GRM7: variants seen among roughly 807,000 people sequenced by gnomAD.
The protein encoded by GRM7 is metabotropic glutamate receptor 7.
GRM7 carries 35 observed loss-of-function variants against 84.5 expected under a neutral mutation model. The ratio of observed to expected loss-of-function variants is 0.41; its 90% CI spans 0.32 to 0.55. The LOEUF (loss-of-function observed/expected upper bound fraction) is 0.55. GRM7 is among the 20% of genes least tolerant of loss of function. The pLI is 0.19. For synonymous variants in GRM7, 487 were observed against 455.1 expected, an observed-to-expected ratio of 1.07 and a Z score of -0.89; for missense variants, 1,003 against 1,194.6, an observed-to-expected ratio of 0.84 and a Z score of 2.36.
chr3:7,412,779 A>C (rs991680612), intron 4 of GRM7, among the ~76,000 whole-genome samples: 4 of 151,782 alleles, frequency 2.6e-5, no homozygotes, highest in African/African-American at 9.7e-5. Flanking sequence ...TTCATAATAA[A>C]AATACCATCT....
intron 1 of GRM7, among the ~76,000 whole-genome samples, chr3:7,120,319 G>A (rs1693174888): frequency 6.6e-6 from 1 of 152,032 alleles, no homozygotes; most frequent in Non-Finnish European, 1.5e-5. Context: ...AGATGTAATT[G>A]TGAAACTCTA....
chr3:7,358,881 G>A (rs1278002344), intron 4 of GRM7, among the ~76,000 whole-genome samples: 1 of 150,994 alleles, frequency 6.6e-6, no homozygotes, highest in African/African-American at 2.4e-5. Context: ...ACTTTGGGAA[G>A]CTGAGGCAGG....
chr3:7,360,061 A>C (rs1693591433), intron 4 of GRM7, among the ~76,000 whole-genome samples: 1 of 147,260 alleles, frequency 6.8e-6, no homozygotes, highest in African/African-American at 2.6e-5. Context: ...GGGAAAACTC[A>C]TTTTTATCCT....
At chr3:7,224,140 A>C (rs1478853074) in intron 2 of GRM7, among the ~76,000 whole-genome samples, 1 of 152,188 alleles carries the variant, frequency 6.6e-6, no homozygotes, top group Non-Finnish European at 1.5e-5. Flanking sequence ...AAAAAGGTTT[A>C]TTTGACTCAC....
intron 1 of GRM7, among the ~76,000 whole-genome samples, chr3:6,990,193 A>G (rs919790716): frequency 2.0e-5 from 3 of 152,214 alleles, no homozygotes; most frequent in Non-Finnish European, 2.9e-5. Flanking sequence ...TGGAATTCCA[A>G]ATATGATAGC....
At chr3:7,054,360 T>C (rs915075351) in intron 1 of GRM7, among the ~76,000 whole-genome samples, 3 of 149,748 alleles carry the variant, frequency 2.0e-5, no homozygotes, top group Non-Finnish European at 4.5e-5. Flanking sequence ...ATGATATATG[T>C]ATGATATATA....
At chr3:7,076,082 T>C (rs1193033454) in intron 1 of GRM7, among the ~76,000 whole-genome samples, 1 of 152,134 alleles carries the variant, frequency 6.6e-6, no homozygotes, top group Non-Finnish European at 1.5e-5. Flanking sequence ...GTTCCTGCCA[T>C]GTGTGAGGCC....
rs1365409522 is a variant in GRM7 at position 7,592,951 on chromosome 3, C to G, written c.2451+13594C>G. ...TACTCAGCCTAGGAACAGTTTAAAC[C>G]TTAGAAGACCCGAGTGGACTGGTAA... is the stretch of plus-strand genomic sequence containing the variant. On this transcript the variant is annotated intron_variant, in intron 8 of 9. Transcript: ENST00000357716. Among the ~76,000 whole-genome samples the G allele has an allele frequency of 2.6e-5, 4 of 152,228 alleles. No individual in the cohort carries two copies. In the South Asian group the frequency reaches 6.2e-4, roughly 24 times the overall value.
intron 7 of GRM7, among the ~76,000 whole-genome samples, chr3:7,567,943 A>T (rs1303820979): frequency 6.6e-6 from 1 of 152,000 alleles, no homozygotes; most frequent in Non-Finnish European, 1.5e-5. Flanking sequence ...AGCATTTTTC[A>T]TCTAGCAGGG....
intron 7 of GRM7, among the ~76,000 whole-genome samples, chr3:7,466,622 C>G (rs184792445): frequency 1.3e-5 from 2 of 152,198 alleles, no homozygotes; most frequent in African/African-American, 4.8e-5. Context: ...AACCAAAATT[C>G]TCTAATATGC....
At chr3:7,203,788 A>G (rs1488232663) in intron 2 of GRM7, among the ~76,000 whole-genome samples, 1 of 152,206 alleles carries the variant, frequency 6.6e-6, no homozygotes, top group Non-Finnish European at 1.5e-5. Context: ...CTTATGCTAT[A>G]TAAAACATTT....
At chr3:7,212,196 CT>C (rs35580518) in intron 2 of GRM7, among the ~76,000 whole-genome samples, 32 of 145,212 alleles carry the variant, frequency 2.2e-4, no homozygotes, top group Middle Eastern at 3.5e-3. Flanking sequence ...TCCTTTGGGT[CT>C]TTTTTTTTTT....
chr3:7,050,719 G>C (rs147279943), intron 1 of GRM7, among the ~76,000 whole-genome samples: 1 of 152,040 alleles, frequency 6.6e-6, no homozygotes, highest in East Asian at 1.9e-4. Flanking sequence ...AATTTTATAG[G>C]AATGTTTCTG....
chr3:7,076,966 GA>G (rs1698106039), intron 1 of GRM7, among the ~76,000 whole-genome samples: 1 of 150,256 alleles, frequency 6.7e-6, no homozygotes, highest in Admixed American at 6.6e-5. Context: ...ACAAACATAT[GA>G]AAAAATGCTC....
At chr3:7,339,509 TC>T (rs1451527631) in intron 4 of GRM7, among the ~76,000 whole-genome samples, 3 of 152,132 alleles carry the variant, frequency 2.0e-5, no homozygotes, top group Non-Finnish European at 4.4e-5. Context: ...CGGACAGTGT[TC>T]CTTTGCACAG....
intron 5 of GRM7, among the ~76,000 whole-genome samples, chr3:7,430,771 G>A (rs1696795836): frequency 6.6e-6 from 1 of 152,164 alleles, no homozygotes. Flanking sequence ...AGATGTTTCT[G>A]TAGCAAATAG....
At chr3:7,627,328 A>G (rs1167315527) in intron 8 of GRM7, among the ~76,000 whole-genome samples, 4 of 152,158 alleles carry the variant, frequency 2.6e-5, no homozygotes, top group Admixed American at 2.6e-4. Flanking sequence ...TGGAGTACAA[A>G]TTAGCACTCT....
At chr3:7,671,791 T>C (rs755622133) in intron 8 of GRM7, among the ~76,000 whole-genome samples, 4 of 152,070 alleles carry the variant, frequency 2.6e-5, no homozygotes, top group Non-Finnish European at 4.4e-5. Context: ...GGCACCAGTA[T>C]GTGACAGGGA....
At chr3:6,903,333 A>G (rs573715453) in intron 1 of GRM7, among the ~76,000 whole-genome samples, 1 of 151,510 alleles carries the variant, frequency 6.6e-6, no homozygotes, top group Admixed American at 6.6e-5. Flanking sequence ...ATTTATTTGT[A>G]TGGATTTTTG....
Sources: gnomAD v4.1 joint callset for allele counts (sites outside exome capture counted in the v4.1 genomes callset) on GRCh38, gnomAD v4.1.1 for gene constraint, MANE v1.5 for transcripts, NCBI Gene and HGNC (gene_info 2026-07-23, HGNC 2026-07-21) for gene names.